Variants in IMMP2L observed in about 807,000 individuals in gnomAD.
IMMP2L encodes inner mitochondrial membrane peptidase subunit 2, also known as mitochondrial inner membrane protease subunit 2.
Under a neutral mutation model 19.3 loss-of-function variants are expected in IMMP2L, and 18 were observed. The observed-to-expected ratio is 0.93, with a 90% CI of 0.64 to 1.38. IMMP2L has a LOEUF of 1.38. IMMP2L is among the 40% of genes most tolerant of loss of function. The pLI is 0.00. For missense variants in IMMP2L, 233 were observed against 218.2 expected (o/e 1.07, Z -0.43); for synonymous variants, 76 against 73.0 (o/e 1.04, Z -0.21).
At chr7:111,354,070 T>C (rs1828454210) in intron 3 of IMMP2L, among the ~76,000 whole-genome samples, 1 of 152,002 alleles carries the variant, frequency 6.6e-6, no homozygotes, top group Admixed American at 6.6e-5. Context: ...CATCAAGCTT[T>C]ATATTTAGGA....
At chr7:111,396,209 G>GT (rs1832849349) in intron 3 of IMMP2L, among the ~76,000 whole-genome samples, 1 of 152,112 alleles carries the variant, frequency 6.6e-6, no homozygotes, top group Admixed American at 6.6e-5. Context: ...ACATGGACAC[G>GT]TATGTTTACT....
intron 3 of IMMP2L, among the ~76,000 whole-genome samples, chr7:111,274,622 T>C (rs1365249025): frequency 6.6e-6 from 1 of 152,172 alleles, no homozygotes; most frequent in Non-Finnish European, 1.5e-5. Context: ...CATACTAAAT[T>C]ACAATAGCAG....
At chr7:111,536,682 T>C (rs536607816) in intron 1 of IMMP2L, among the ~76,000 whole-genome samples, 4 of 152,266 alleles carry the variant, frequency 2.6e-5, no homozygotes, top group African/African-American at 9.6e-5. Flanking sequence ...CCCTTGCACA[T>C]ATAAAAAATT....
intron 3 of IMMP2L, among the ~76,000 whole-genome samples, chr7:111,236,753 C>T (rs1469253696): frequency 2.0e-5 from 3 of 152,148 alleles, no homozygotes; most frequent in African/African-American, 7.2e-5. Context: ...CCAACATTCA[C>T]CTGGGTTCTC....
chr7:111,269,908 T>G (rs917625699), intron 3 of IMMP2L, among the ~76,000 whole-genome samples: 4 of 152,168 alleles, frequency 2.6e-5, no homozygotes, highest in Non-Finnish European at 5.9e-5. Flanking sequence ...ATGTTCTGAT[T>G]TGAGAATACC....
chr7:110,882,773 G>T (rs1286904873), intron 5 of IMMP2L, among the ~76,000 whole-genome samples: 14 of 143,590 alleles, frequency 9.7e-5, no homozygotes, highest in Non-Finnish European at 1.8e-4. Context: ...TTTTTCTTTT[G>T]TTTTTTTTTT....
intron 3 of IMMP2L, among the ~76,000 whole-genome samples, chr7:110,977,684 C>G (rs60807734): frequency 0.47 from 71,646 of 151,616 alleles, 18,228 homozygotes; most frequent in Non-Finnish European, 0.58. Context: ...TCCCTCCCTC[C>G]CTCCTTTTCT....
chr7:111,499,455 TCATGATATGCATCAGGTC>T (rs1843933775), intron 2 of IMMP2L, among the ~76,000 whole-genome samples: 2 of 152,140 alleles, frequency 1.3e-5, no homozygotes, highest in African/African-American at 4.8e-5. Flanking sequence ...ATCCGTTAAT[TCATGATATGCATCAGGTC>T]CCAGGTCCCA....
intron 3 of IMMP2L, among the ~76,000 whole-genome samples, chr7:111,066,214 C>G (rs1261913287): frequency 2.0e-5 from 3 of 151,976 alleles, no homozygotes; most frequent in Non-Finnish European, 4.4e-5. Context: ...AACTCCTGAC[C>G]TCGTGATCCA....
intron 3 of IMMP2L, among the ~76,000 whole-genome samples, chr7:111,404,830 A>G (rs1833780054): frequency 6.6e-6 from 1 of 152,072 alleles, no homozygotes; most frequent in Non-Finnish European, 1.5e-5. Context: ...CTTGGTACAT[A>G]ATGTCTGTCA....
At chr7:110,851,428 G>C (rs527894782) in intron 5 of IMMP2L, among the ~76,000 whole-genome samples, 1 of 152,262 alleles carries the variant, frequency 6.6e-6, no homozygotes, top group South Asian at 2.1e-4. Context: ...ATGGGAGACA[G>C]GAGACAGCAG....
At chr7:110,866,904 C>A (rs981704008) in intron 5 of IMMP2L, among the ~76,000 whole-genome samples, 1 of 151,998 alleles carries the variant, frequency 6.6e-6, no homozygotes, top group African/African-American at 2.4e-5. Flanking sequence ...ATTAAAAGAA[C>A]CTTAAGCTAT....
At chr7:110,862,953 C>T (rs1031884837) in intron 5 of IMMP2L, among the ~76,000 whole-genome samples, 2 of 152,050 alleles carry the variant, frequency 1.3e-5, no homozygotes, top group Non-Finnish European at 2.9e-5. Flanking sequence ...TCAAGACCCA[C>T]CTCCTATAAC....
chr7:111,212,636 G>A (rs535012964), intron 3 of IMMP2L, among the ~76,000 whole-genome samples: 7 of 151,872 alleles, frequency 4.6e-5, no homozygotes, highest in Admixed American at 2.0e-4. Flanking sequence ...AAGGGGGGGT[G>A]GCAAACAATA....
At chr7:110,974,296 A>G (rs1240461711) in intron 3 of IMMP2L, among the ~76,000 whole-genome samples, 1 of 152,050 alleles carries the variant, frequency 6.6e-6, no homozygotes, top group African/African-American at 2.4e-5. Context: ...CACAAACATC[A>G]GTGATTAAGA....
At chr7:111,278,382 C>A (rs1819337201) in intron 3 of IMMP2L, among the ~76,000 whole-genome samples, 1 of 152,094 alleles carries the variant, frequency 6.6e-6, no homozygotes, top group Non-Finnish European at 1.5e-5. Flanking sequence ...GGGGCTCCAG[C>A]CACTCTCAAA....
intron 2 of IMMP2L, among the ~76,000 whole-genome samples, chr7:111,515,995 A>G (rs1845839795): frequency 6.6e-6 from 1 of 152,136 alleles, no homozygotes; most frequent in Non-Finnish European, 1.5e-5. Context: ...ATTAGTTATT[A>G]TTTAGTGAAA....
intron 5 of IMMP2L, among the ~76,000 whole-genome samples, chr7:110,741,004 G>T (rs1301669217): frequency 4.0e-5 from 6 of 151,238 alleles, no homozygotes; most frequent in Non-Finnish European, 2.9e-5. Context: ...CAGAGGAAAA[G>T]AAGTCATTAT....
chr7:111,130,936 C>T (rs1801784456), intron 3 of IMMP2L, among the ~76,000 whole-genome samples: 2 of 151,898 alleles, frequency 1.3e-5, no homozygotes, highest in African/African-American at 4.8e-5. Context: ...CTTCCTATCC[C>T]TATTTCCTAG....
Sources: gnomAD v4.1 joint callset for allele counts (sites outside exome capture counted in the v4.1 genomes callset) on GRCh38, gnomAD v4.1.1 for gene constraint, MANE v1.5 for transcripts, NCBI Gene and HGNC (gene_info 2026-07-23, HGNC 2026-07-21) for gene names.